Variants in RTTN observed in about 807,000 individuals in gnomAD.
The protein encoded by RTTN is rotatin.
A neutral mutation model predicts 269.2 loss-of-function variants in RTTN; 182 were observed. The ratio of observed to expected loss-of-function variants is 0.68; its 90% CI spans 0.60 to 0.76. The LOEUF (loss-of-function observed/expected upper bound fraction) is 0.76. Ranked by LOEUF, RTTN falls within the 30% of genes least tolerant of loss-of-function variation. The pLI is 0.00. For synonymous variants in RTTN, 1,006 were observed against 963.5 expected (o/e 1.04, Z -0.82); for missense variants, 2,545 against 2,608.6 (o/e 0.98, Z 0.53).
chr18:70,084,765 A>G (rs965615072), intron 32 of RTTN, among the ~76,000 whole-genome samples: 7 of 152,162 alleles, frequency 4.6e-5, no homozygotes, highest in African/African-American at 1.4e-4. Context: ...TGGCTCTCCA[A>G]CTTTTTTTAT....
intron 40 of RTTN, among the ~76,000 whole-genome samples, chr18:70,034,762 T>C (rs2057120370): frequency 6.6e-6 from 1 of 152,172 alleles, no homozygotes; most frequent in Admixed American, 6.5e-5. Flanking sequence ...ATTATCCCTG[T>C]TTGCAGATGA....
chr18:70,193,176 CAAAA>C (rs35759421), intron 8 of RTTN, 108 bp downstream of exon 8: 1,172 of 657,366 alleles, frequency 1.8e-3, no homozygotes, highest in South Asian at 2.5e-3. Context: ...GTTAATGTTT[CAAAA>C]AAAAAAAAAA....
intron 46 of RTTN, among the ~76,000 whole-genome samples, chr18:70,009,504 A>G (rs915888447): frequency 3.9e-5 from 6 of 152,190 alleles, no homozygotes; most frequent in Admixed American, 3.3e-4. Flanking sequence ...AAAAATAAAT[A>G]AAATCCTTTA....
At chr18:70,106,636 T>TG (rs1362465548) in intron 28 of RTTN, among the ~76,000 whole-genome samples, 1 of 151,940 alleles carries the variant, frequency 6.6e-6, no homozygotes, top group African/African-American at 2.4e-5. Flanking sequence ...TTCAGAGATG[T>TG]GGGAAAAAAC....
intron 28 of RTTN, among the ~76,000 whole-genome samples, chr18:70,104,557 CAGG>C (rs1385003681): frequency 6.6e-6 from 1 of 152,232 alleles, no homozygotes; most frequent in Non-Finnish European, 1.5e-5. Flanking sequence ...TGTTCCTCTG[CAGG>C]AGAAGAGGTG....
intron 5 of RTTN, among the ~76,000 whole-genome samples, chr18:70,198,630 A>G (rs1272147591): frequency 1.3e-5 from 2 of 152,178 alleles, no homozygotes; most frequent in Non-Finnish European, 2.9e-5. Flanking sequence ...CTAAATCTCT[A>G]TATATCAGCT....
intron 28 of RTTN, among the ~76,000 whole-genome samples, chr18:70,104,213 C>G (rs2059259289): frequency 6.6e-6 from 1 of 152,122 alleles, no homozygotes; most frequent in African/African-American, 2.4e-5. Flanking sequence ...CTCTAAACTT[C>G]TCTTCTCGCT....
chr18:70,120,275 C>T (rs2059702577), intron 26 of RTTN, among the ~76,000 whole-genome samples: 1 of 152,096 alleles, frequency 6.6e-6, no homozygotes, highest in African/African-American at 2.4e-5. Flanking sequence ...CCTCTTAAAC[C>T]TGGACTTCCT....
chr18:70,047,977 G>T lies in RTTN; in HGVS notation c.5535C>A (p.Ile1845=), dbSNP rs2144775717. The T allele has an allele frequency of 4.3e-6, 7 of 1,612,310 alleles. No homozygotes were observed. Among genetic ancestry groups the T allele is most frequent in the Non-Finnish European group, 5.9e-6 (7 of 1,178,488 alleles). Residue 1845 remains isoleucine (I), a synonymous_variant, in exon 40 of 49, where the codon ATC becomes ATA. Transcript: ENST00000640769. Reference sequence around the variant, plus strand: ...AAACCAAGAAATGACGTACCTGAAGGATTACATCACTAAGTTGTTCTAGAG... The same window carrying T: ...AAACCAAGAAATGACGTACCTGAAGTATTACATCACTAAGTTGTTCTAGAG... ...QKSLEQLSDV[I]LQCYEGKSSK...
At chr18:70,010,635 G>C (rs2056341293) in intron 46 of RTTN, among the ~76,000 whole-genome samples, 2 of 152,044 alleles carry the variant, frequency 1.3e-5, no homozygotes, top group Non-Finnish European at 2.9e-5. Flanking sequence ...GGTGAAAGGG[G>C]GAAAGATCTA....
At chr18:70,072,121 T>C (rs948114177) in intron 34 of RTTN, among the ~76,000 whole-genome samples, 1 of 152,100 alleles carries the variant, frequency 6.6e-6, no homozygotes, top group South Asian at 2.1e-4. Context: ...ATACACATCA[T>C]CTTGGGTATG....
chr18:70,205,538 G>T, intron 1 of RTTN, 90 bp downstream of exon 1: 1 of 1,551,096 alleles, frequency 6.4e-7, no homozygotes, highest in Non-Finnish European at 8.9e-7. Flanking sequence ...CGGTCGCGGA[G>T]CGGCCGGCCG....
chr18:70,107,839 A>G (rs541619804), intron 28 of RTTN, among the ~76,000 whole-genome samples: 29 of 152,378 alleles, frequency 1.9e-4, no homozygotes, highest in Non-Finnish European at 3.7e-4. Context: ...GCAGACATTA[A>G]AAGTGTAAGA....
intron 10 of RTTN, among the ~76,000 whole-genome samples, chr18:70,186,452 C>T (rs559307035): frequency 6.6e-6 from 1 of 152,294 alleles, no homozygotes; most frequent in South Asian, 2.1e-4. Flanking sequence ...TGCTGTACTA[C>T]TACATAAACA....
At chr18:70,184,717 TGTGTGTGTGTGTGTG>T (rs2061502547) in intron 10 of RTTN, among the ~76,000 whole-genome samples, 1 of 19,030 alleles carries the variant, frequency 5.3e-5, no homozygotes, top group Non-Finnish European at 1.7e-4. Context: ...TTTTTTTTTT[TGTGTGTGTGTGTGTG>T]TGTGTGTGTG....
chr18:70,025,739 T>C (rs1599153389), intron 43 of RTTN, among the ~76,000 whole-genome samples: 1 of 152,230 alleles, frequency 6.6e-6, no homozygotes, highest in Non-Finnish European at 1.5e-5. Flanking sequence ...AACTCCTTTA[T>C]CTACTCTGCC....
chr18:70,202,126 A>G (rs2061969685), intron 3 of RTTN, 143 bp from the exon 4 acceptor site: 1 of 559,046 alleles, frequency 1.8e-6, no homozygotes, highest in Admixed American at 3.5e-5. Context: ...TTTCTGAATG[A>G]TCTATCTTGC....
chr18:70,148,692 G>A (rs568201453), intron 17 of RTTN, among the ~76,000 whole-genome samples: 42 of 152,288 alleles, frequency 2.8e-4, no homozygotes, highest in African/African-American at 9.1e-4. Flanking sequence ...GATCTGGCAA[G>A]GAATAACTTG....
chr18:70,041,066 G>A (rs1296757607), intron 40 of RTTN, among the ~76,000 whole-genome samples: 2 of 151,876 alleles, frequency 1.3e-5, no homozygotes, highest in East Asian at 3.9e-4. Flanking sequence ...AATTAGCTGG[G>A]CACGGTGGCA....
Sources: allele counts gnomAD v4.1 joint callset (sites outside exome capture counted in the v4.1 genomes callset), GRCh38; gene constraint gnomAD v4.1.1; transcripts MANE v1.5; gene names NCBI Gene and HGNC (gene_info 2026-07-23, HGNC 2026-07-21).